Variants in NRDC observed in about 807,000 individuals in gnomAD.
NRDC encodes nardilysin convertase.
NRDC carries 54 observed loss-of-function variants against 147.1 expected under a neutral mutation model. The ratio of observed to expected loss-of-function variants is 0.37; its 90% CI spans 0.29 to 0.46. NRDC has a LOEUF of 0.46. Ranked by LOEUF, NRDC falls within the 20% of genes least tolerant of loss-of-function variation. The pLI, the probability that NRDC is intolerant of heterozygous loss-of-function variation, is 1.00. For synonymous variants in NRDC, 440 were observed against 482.1 expected, an observed-to-expected ratio of 0.91 and a Z score of 1.14; for missense variants, 1,082 against 1,370.6, an observed-to-expected ratio of 0.79 and a Z score of 3.33.
rs1185582642 is a variant in NRDC at position 51,790,997 on chromosome 1, C to A, written c.2961-7G>T. 1 of 1,590,512 alleles carries A rather than the reference C, an allele frequency of 6.3e-7. No individual in the cohort carries two copies. Among genetic ancestry groups the A allele is most frequent in the East Asian group, 2.2e-5 (1 of 44,752 alleles). ...CTTATCAACAACTTCAGAACTGAAACAAAACATCTTCAATCAGAACTAAAA... is the reference window on the plus strand; with the variant it reads ...CTTATCAACAACTTCAGAACTGAAAAAAAACATCTTCAATCAGAACTAAAA... On this transcript the variant is annotated splice_region_variant and splice_polypyrimidine_tract_variant and intron_variant, in intron 27 of 30. Coordinates refer to ENST00000352171, the MANE Select transcript of NRDC (RefSeq NM_001101662.2).
chr1:51,875,856 AT>A (rs201533416), intron 1 of NRDC, among the ~76,000 whole-genome samples: 4,180 of 148,306 alleles, frequency 0.028, 129 homozygotes, highest in South Asian at 0.097. Context: ...ACAGTCTCTA[AT>A]TTTTTTTTTT....
At chr1:51,791,025 AAACAT>A in intron 27 of NRDC, 35 bp from the exon 28 acceptor site, 1 of 1,444,668 alleles carries the variant, frequency 6.9e-7, no homozygotes, top group Non-Finnish European at 9.7e-7. Flanking sequence ...AACTAAAACA[AAACAT>A]CTTCAATTAA....
chr1:51,840,410 ACCT>A lies in NRDC; in HGVS notation c.443_445del (p.Glu148del), dbSNP rs763600058. 80 of 1,583,846 alleles carry A rather than the reference ACCT, an allele frequency of 5.1e-5. No individual in the cohort carries two copies. The highest frequency in any genetic ancestry group is 6.5e-5 in the Non-Finnish European group (75 of 1,153,920). On this transcript the variant is annotated inframe_deletion, in exon 2 of 31. Coordinates refer to ENST00000352171, the MANE Select transcript of NRDC (RefSeq NM_001101662.2). ...ATCATCATCTTCTTCTTCTTCCTCC[ACCT>A]CCTCTTCTTCTTCATCATCTGTTGT...
rs774919679 is a variant in NRDC, at chr1:51,840,354, C to T, written c.502G>A (p.Asp168Asn). 5.9e-6 allele frequency: 9 copies of T among 1,531,734 alleles called. No homozygotes were observed. Among genetic ancestry groups the T allele is most frequent in the East Asian group, 2.3e-5 (1 of 44,390 alleles). 94.9% of individuals were successfully genotyped at this position (1,531,734 alleles called of 1,614,324 possible). A position where few individuals can be genotyped will look rare whatever the true frequency, so the allele number is the denominator to read the frequency against. The change falls in exon 2 of 31, where the codon GAT (aspartate) becomes AAT (asparagine). Residue 168 changes from aspartate to asparagine, a missense_variant. Asp to Asn is a conservative substitution (Grantham distance 23, BLOSUM62 1). Coordinates refer to ENST00000352171, the MANE Select transcript of NRDC (RefSeq NM_001101662.2). ...EDSGAEIEDDDEEGFDDEDEF... is the reference protein window; with the variant it reads ...EDSGAEIEDDNEEGFDDEDEF... ...TCTTCATCATCAAAACCCTCTTCAT[C>T]GTCATCTTCTATTTCAGCTCCAGAA...
rs1011170527 is a variant in NRDC at position 51,840,044 on chromosome 1, G to A, written c.630+182C>T. On this transcript the variant is annotated intron_variant, in intron 2 of 30. Coordinates refer to ENST00000352171, the MANE Select transcript of NRDC (RefSeq NM_001101662.2). ...TATATTCCATTAGTTTATATAATGA[G>A]CATTTACTACTTTTATAATTGGAGG... 3.3e-5 allele frequency: 17 copies of A among 509,460 alleles called. No homozygotes were observed. The South Asian group carries it at 5.2e-4, about 16-fold the overall frequency. 31.6% of individuals were successfully genotyped at this position (509,460 alleles called of 1,614,324 possible).
rs747449819 is a variant in NRDC at position 51,878,378 on chromosome 1, G to T, written c.238C>A (p.Arg80Ser). 3.1e-6 allele frequency: 5 copies of T among 1,614,136 alleles called. No individual in the cohort carries two copies. Among genetic ancestry groups the T allele is most frequent in the East Asian group, 2.2e-5 (1 of 44,866 alleles). ...TCCTCAGATTCATCCGCTCCTAGAC[G>T]GGCAACCCGGCTGTTCTCGCCCAGA... ...QDLGENSRVA[R>S]LGADESEEEG... is the part of the protein sequence containing the mutation. Residue 80 changes from arginine to serine, a missense_variant, in exon 1 of 31, where the codon CGT becomes AGT. Arg to Ser is a moderately radical substitution (Grantham distance 110, BLOSUM62 -1). This residue lies in a region of NRDC where 260 missense variants were observed against 253.2 expected (regional missense o/e 1.03). Coordinates refer to ENST00000352171, the MANE Select transcript of NRDC (RefSeq NM_001101662.2).
intron 1 of NRDC, among the ~76,000 whole-genome samples, chr1:51,877,282 C>A (rs951439890): frequency 5.3e-5 from 8 of 152,114 alleles, no homozygotes; most frequent in African/African-American, 1.9e-4. Flanking sequence ...CTGTGTGATT[C>A]AGAGCAAGAA....
At chr1:51,819,927 A>G (rs973028717) in intron 8 of NRDC, 54 bp from the exon 9 acceptor site, 12 of 1,302,532 alleles carry the variant, frequency 9.2e-6, no homozygotes, top group African/African-American at 2.9e-5. Flanking sequence ...TTTATAAGCA[A>G]TATCTTTAGG....
At chr1:51,817,953 T>C (rs955973141) in intron 10 of NRDC, 113 bp downstream of exon 10, 2 of 716,956 alleles carry the variant, frequency 2.8e-6, no homozygotes, top group African/African-American at 3.7e-5. Flanking sequence ...AGTTCCAGGT[T>C]ACCGTATTGC....
At chr1:51,801,543 C>T (rs1679202210) in intron 20 of NRDC, among the ~76,000 whole-genome samples, 1 of 152,036 alleles carries the variant, frequency 6.6e-6, no homozygotes, top group Non-Finnish European at 1.5e-5. Flanking sequence ...CCATATCACA[C>T]CTAATTTTTT....
In NRDC at chr1:51,806,880, G is replaced by A. The variant is rs139771907; in HGVS notation, c.2024C>T (p.Pro675Leu). 3.8e-5 allele frequency: 61 copies of A among 1,613,716 alleles called. No individual in the cohort carries two copies. In the African/African-American group the frequency reaches 5.7e-4, roughly 15 times the overall value. Residue 675 changes from proline (P) to leucine (L), a missense_variant, in exon 18 of 31, where the codon CCG becomes CTG. Pro to Leu is a moderately conservative substitution (Grantham distance 98). Transcript: ENST00000352171. The part of the protein sequence containing the change: ...TDFTLKAFDC[P>L]ETEYPVKIVN... ...AATTTTAACTGGGTATTCTGTTTCC[G>A]GGCAATCGAAAGCCTTCAACGTAAA...
intron 5 of NRDC, among the ~76,000 whole-genome samples, chr1:51,826,454 T>A (rs1225320271): frequency 6.6e-6 from 1 of 151,994 alleles, no homozygotes; most frequent in African/African-American, 2.4e-5. Flanking sequence ...ACATTAAAAA[T>A]GAAGAAGTAA....
At position 51,794,954 on chromosome 1, in the gene NRDC, T is replaced by C. The variant is rs1363038058; in HGVS notation, c.2605-100A>G. ...TTCCAATTGCTTGGGGAGCCCTGCA[T>C]AGCTTTAGGAAAGCAGATATAGTTG... On this transcript the variant is annotated intron_variant, in intron 22 of 30. Transcript: ENST00000352171. 6 of 1,576,768 alleles carry C rather than the reference T, an allele frequency of 3.8e-6. No homozygotes were observed. The Admixed American group carries it at 5.6e-5, about 15-fold the overall frequency.
At chr1:51,830,147 T>C (rs1366749991) in intron 4 of NRDC, among the ~76,000 whole-genome samples, 1 of 151,990 alleles carries the variant, frequency 6.6e-6, no homozygotes, top group Non-Finnish European at 1.5e-5. Flanking sequence ...GTATTTTTAG[T>C]AGATATGGGG....
At chr1:51,862,725 T>TA (rs1034183271) in intron 1 of NRDC, among the ~76,000 whole-genome samples, 13 of 147,928 alleles carry the variant, frequency 8.8e-5, no homozygotes, top group South Asian at 2.1e-4. Flanking sequence ...GGCCCTGTCT[T>TA]AAAAAAAAGG....
At position 51,873,486 on chromosome 1, in the gene NRDC, T is replaced by C. The variant is rs572305661; in HGVS notation, c.341+4789A>G. On this transcript the variant is annotated intron_variant, in intron 1 of 30. Coordinates refer to ENST00000352171, the MANE Select transcript of NRDC (RefSeq NM_001101662.2). ...TTCTATAATATATGGAATTTTTATT[T>C]ATTTATTTATTTATTTATTTATTTA... 7.3e-4 allele frequency among the ~76,000 whole-genome samples: 95 copies of C among 130,262 alleles called. No homozygotes were observed. In the South Asian group the frequency reaches 0.015, roughly 21 times the overall value. 85.5% of individuals were successfully genotyped at this position (130,262 alleles called of 152,430 possible). A position where few individuals can be genotyped will look rare whatever the true frequency, so the allele number is the denominator to read the frequency against.
At chr1:51,840,065 G>A (rs1019781267) in intron 2 of NRDC, 161 bp downstream of exon 2, 1 of 534,496 alleles carries the variant, frequency 1.9e-6, no homozygotes, top group Non-Finnish European at 3.3e-6. Flanking sequence ...TTTTATAATT[G>A]GAGGAAAATG....
At chr1:51,814,476 C>A (rs1183703201) in intron 13 of NRDC, 75 bp downstream of exon 13, 35 of 1,410,556 alleles carry the variant, frequency 2.5e-5, no homozygotes, top group Non-Finnish European at 3.2e-5. Context: ...AAGACTAAAG[C>A]ATGTCTACCG....
chr1:51,835,368 A>C (rs1308749004), intron 3 of NRDC, among the ~76,000 whole-genome samples: 1 of 150,756 alleles, frequency 6.6e-6, no homozygotes, highest in Non-Finnish European at 1.5e-5. Context: ...GCCCCGTGTA[A>C]GTTTTATTTA....
Sources: gnomAD v4.1 joint callset for allele counts (sites outside exome capture counted in the v4.1 genomes callset) on GRCh38, gnomAD v4.1.1 for gene constraint, gnomAD v4.1.1 regional missense constraint, MANE v1.5 for transcripts, NCBI Gene and HGNC (gene_info 2026-07-23, HGNC 2026-07-21) for gene names.